Variants in CACTIN observed in about 807,000 individuals in gnomAD.
CACTIN encodes splicing factor Cactin.
CACTIN carries 20 observed loss-of-function variants against 84.9 expected under a neutral mutation model. The ratio of observed to expected loss-of-function variants is 0.24; its 90% CI spans 0.17 to 0.34. The LOEUF (loss-of-function observed/expected upper bound fraction) is 0.34. CACTIN is among the 10% of genes least tolerant of loss of function. CACTIN has a pLI of 1.00. For missense variants in CACTIN, 897 were observed against 1,117.2 expected, an observed-to-expected ratio of 0.80 and a Z score of 2.81; for synonymous variants, 549 against 467.9, an observed-to-expected ratio of 1.17 and a Z score of -2.24.
intron 6 of CACTIN, among the ~76,000 whole-genome samples, chr19:3,617,967 C>T (rs1599888847): frequency 6.6e-6 from 1 of 152,310 alleles, no homozygotes; most frequent in East Asian, 1.9e-4. Context: ...CTGCCACAGA[C>T]CACGCTGAGG....
chr19:3,619,053 AGAG>A (rs1555710588), intron 5 of CACTIN, 24 bp downstream of exon 5: 2 of 1,550,658 alleles, frequency 1.3e-6, no homozygotes, highest in Non-Finnish European at 1.7e-6. Context: ...GGTGCAGGTC[AGAG>A]GAGCATCGGG....
rs751490389 is a variant in CACTIN, at chr19:3,626,764, G to C, written c.-2C>G. The stretch of plus-strand genomic sequence containing the variant: ...GCGCGAGCGTGTGTCCCGACCCATC[G>C]GCTGGGCCAGTGGCCGCGGCACCAA... On this transcript the variant is annotated 5_prime_UTR_variant, in exon 1 of 10. Coordinates refer to ENST00000429344, the MANE Select transcript of CACTIN (RefSeq NM_001080543.2). The C allele has an allele frequency of 8.6e-6, 12 of 1,398,466 alleles. No individual in the cohort carries two copies. Among genetic ancestry groups the C allele is most frequent in the Non-Finnish European group, 1.1e-5 (12 of 1,075,346 alleles). 86.6% of individuals were successfully genotyped at this position (1,398,466 alleles called of 1,614,324 possible). A position where few individuals can be genotyped will look rare whatever the true frequency, so the allele number is the denominator to read the frequency against.
At chr19:3,617,559 C>T (rs779444580) in intron 6 of CACTIN, among the ~76,000 whole-genome samples, 16 of 152,004 alleles carry the variant, frequency 1.1e-4, no homozygotes, top group Non-Finnish European at 2.1e-4. Context: ...CAGTGGGGCA[C>T]GCTGGAAACG....
At position 3,615,179 on chromosome 19, in the gene CACTIN, C is replaced by T. The variant is rs548907051; in HGVS notation, c.1163-590G>A. ...CCCAGGACAAACAGCTCCCCACCGCCGCCCCCCATCCTACATGGAGTCTGT... is the reference window on the plus strand; with the variant it reads ...CCCAGGACAAACAGCTCCCCACCGCTGCCCCCCATCCTACATGGAGTCTGT... On this transcript the variant is annotated intron_variant, in intron 6 of 9. Coordinates refer to ENST00000429344, the MANE Select transcript of CACTIN (RefSeq NM_001080543.2). This position sits in a 1 kb window ranked among gnomAD's most constrained non-coding sequence, Gnocchi z 5.2. 29 of 162,716 alleles carry T rather than the reference C, an allele frequency of 1.8e-4. No homozygotes were observed. The highest frequency in any genetic ancestry group is 2.9e-4 in the Non-Finnish European group (21 of 73,652). 10.1% of individuals were successfully genotyped at this position (162,716 alleles called of 1,614,324 possible).
chr19:3,621,315 C>A (rs972036630), intron 2 of CACTIN, among the ~76,000 whole-genome samples: 1 of 152,188 alleles, frequency 6.6e-6, no homozygotes, highest in Non-Finnish European at 1.5e-5. Context: ...CAGCGGGGCA[C>A]AGGGGTGGCC....
chr19:3,613,236 C>T lies in CACTIN; in HGVS notation c.1608G>A (p.Glu536=). 1 of 1,610,718 alleles carries T rather than the reference C, an allele frequency of 6.2e-7. No homozygotes were observed. Among genetic ancestry groups the T allele is most frequent in the Non-Finnish European group, 8.5e-7 (1 of 1,179,132 alleles). Residue 536 remains glutamate, a synonymous_variant, in exon 9 of 10, where the codon GAG becomes GAA. Transcript: ENST00000429344. ...CCTCCTCCATGAGCACCGCCTCGCC[C>T]TCGCCCTCGCCCTCACCGTCCCCGT... ...DGDGDGEGEG[E]GEAVLMEEDL...
chr19:3,618,982 A>T lies in CACTIN; in HGVS notation c.1055T>A (p.Met352Lys). The T allele has an allele frequency of 1.3e-6, 2 of 1,553,396 alleles. No individual in the cohort carries two copies. The highest frequency in any genetic ancestry group is 1.7e-6 in the Non-Finnish European group (2 of 1,148,154). Residue 352 changes from methionine to lysine, a missense_variant, in exon 6 of 10, where the codon ATG becomes AAG. Physicochemically the swap from Met to Lys is moderately conservative, Grantham distance 95. Coordinates refer to ENST00000429344, the MANE Select transcript of CACTIN (RefSeq NM_001080543.2). The stretch of plus-strand genomic sequence containing the variant: ...GGCGTTCTTGCCCTGCTCCAGCTCC[A>T]TGTAGACCTGGGGGCAGGGGGCAGG... ...EDLLEDIQVY[M>K]ELEQGKNADF...
In CACTIN at chr19:3,624,696, G is replaced by C. The variant is rs1599896934; in HGVS notation, c.168-534C>G. On this transcript the variant is annotated intron_variant, in intron 1 of 9. Transcript: ENST00000429344. The stretch of plus-strand genomic sequence containing the variant: ...AGGAATTATAAGGGTACGAACCAGG[G>C]GACCCGAACACATTTAGGCTGTCAA... 2.0e-5 allele frequency among the ~76,000 whole-genome samples: 3 copies of C among 152,150 alleles called. No individual in the cohort carries two copies. In the East Asian group the frequency reaches 5.8e-4, roughly 29 times the overall value.
intron 4 of CACTIN, 111 bp downstream of exon 4, chr19:3,620,016 A>G: frequency 1.6e-6 from 2 of 1,277,670 alleles, no homozygotes; most frequent in Middle Eastern, 2.6e-4. Context: ...GGTCCCAGGA[A>G]GTGCCGTGTG....
Position 3,614,435 on chromosome 19 carries a change from G to A in CACTIN, c.1317C>T (p.Ser439=). Residue 439 remains serine, a synonymous_variant, in exon 7 of 10, where the codon AGC becomes AGT. Coordinates refer to ENST00000429344, the MANE Select transcript of CACTIN (RefSeq NM_001080543.2). The stretch of plus-strand genomic sequence containing the variant: ...TGTGGGCACGAAGCTGCTGCAGGAG[G>A]CTCTCCCAGTAGCCCATGTCCAGGT... ...GPNLDMGYWE[S]LLQQLRAHMA... 1.3e-6 allele frequency: 2 copies of A among 1,592,494 alleles called. No homozygotes were observed. Among genetic ancestry groups the A allele is most frequent in the Non-Finnish European group, 1.7e-6 (2 of 1,169,648 alleles).
rs1568289008 is a variant in CACTIN, at chr19:3,610,863, CG to C, written c.*1059del. 2 of 456,754 alleles carry C rather than the reference CG, an allele frequency of 4.4e-6. No homozygotes were observed. The highest frequency in any genetic ancestry group is 8.8e-6 in the Non-Finnish European group (2 of 226,976). The allele number at this position is 456,754 out of a possible 1,614,324, so 28.3% of individuals were successfully genotyped here. On this transcript the variant is annotated 3_prime_UTR_variant, in exon 10 of 10. Transcript: ENST00000429344. ...CTCTGGGGGTCCGGGAGGCACTTTC[CG>C]TTTTGCTTCTGTTGGAGATGTTCCC...
Position 3,620,966 on chromosome 19 carries a change from T to A in CACTIN, c.643-164A>T. 4.3e-6 allele frequency: 3 copies of A among 703,528 alleles called. No individual in the cohort carries two copies. In the Admixed American group the frequency reaches 6.0e-5, roughly 14 times the overall value. 43.6% of individuals were successfully genotyped at this position (703,528 alleles called of 1,614,324 possible). ...CCTCCTTAACACTCCTGAAACCCAGTGCATCCAATTCAGTGCAGACATGGA... is the reference window on the plus strand; with the variant it reads ...CCTCCTTAACACTCCTGAAACCCAGAGCATCCAATTCAGTGCAGACATGGA... On this transcript the variant is annotated intron_variant, in intron 2 of 9. Coordinates refer to ENST00000429344, the MANE Select transcript of CACTIN (RefSeq NM_001080543.2).
In CACTIN at chr19:3,612,034, C is replaced by T. The variant is rs2032969118; in HGVS notation, c.2166G>A (p.Lys722=). The change falls in exon 10 of 10, where the codon AAG becomes AAA. Residue 722 remains lysine, a synonymous_variant. Coordinates refer to ENST00000429344, the MANE Select transcript of CACTIN (RefSeq NM_001080543.2). ...AGPPYEDIAF[K]IVNREWEYSH... ...AGTATTCCCACTCGCGGTTGACGATCTTGAAAGCGATGTCCTCGTAGGGCG... is the reference window on the plus strand; with the variant it reads ...AGTATTCCCACTCGCGGTTGACGATTTTGAAAGCGATGTCCTCGTAGGGCG... The T allele has an allele frequency of 1.9e-6, 3 of 1,613,658 alleles. No individual in the cohort carries two copies. In the East Asian group the frequency reaches 6.7e-5, roughly 36 times the overall value.
intron 5 of CACTIN, 45 bp from the exon 6 acceptor site, chr19:3,619,034 G>A: frequency 6.5e-7 from 1 of 1,549,186 alleles, no homozygotes. Flanking sequence ...TGGCTGGGGT[G>A]GGGGTGAGGG....
Position 3,614,545 on chromosome 19 carries a change from G to C in CACTIN, c.1207C>G (p.Gln403Glu). 6.2e-7 allele frequency: 1 copy of C among 1,608,976 alleles called. No individual in the cohort carries two copies. ...TATGTCTTCCCCTTGAACACCGACT[G>C]CACATCAGAGCTGACGGAGGCGTTG... is the stretch of plus-strand genomic sequence containing the variant. ...GVNASVSSDV[Q>E]SVFKGKTYNQ... The change falls in exon 7 of 10, where the codon CAG becomes GAG. Residue 403 changes from glutamine (Q) to glutamate (E), a missense_variant. Gln to Glu is a conservative substitution (Grantham distance 29, BLOSUM62 2). Coordinates refer to ENST00000429344, the MANE Select transcript of CACTIN (RefSeq NM_001080543.2).
At chr19:3,626,238 C>G (rs911348727) in intron 1 of CACTIN, among the ~76,000 whole-genome samples, 1 of 152,194 alleles carries the variant, frequency 6.6e-6, no homozygotes, top group Non-Finnish European at 1.5e-5. Context: ...CAGTCCACGT[C>G]ACTCCCCTAC....
chr19:3,624,775 G>A (rs1218008808), intron 1 of CACTIN, among the ~76,000 whole-genome samples: 1 of 152,282 alleles, frequency 6.6e-6, no homozygotes, highest in South Asian at 2.1e-4. Context: ...AGGATGGACA[G>A]GAGTTAACAG....
At chr19:3,622,320 C>T (rs980933201) in intron 2 of CACTIN, among the ~76,000 whole-genome samples, 17 of 142,724 alleles carry the variant, frequency 1.2e-4, no homozygotes, top group East Asian at 2.1e-4. Context: ...GCCGAGATTG[C>T]GCCTTTGCAT....
At chr19:3,625,395 A>G (rs1341720575) in intron 1 of CACTIN, among the ~76,000 whole-genome samples, 5 of 152,194 alleles carry the variant, frequency 3.3e-5, no homozygotes, top group African/African-American at 1.2e-4. Flanking sequence ...AATAATTCCA[A>G]TACCAGAAAA....
Sources: allele counts gnomAD v4.1 joint callset (sites outside exome capture counted in the v4.1 genomes callset), GRCh38; gene constraint gnomAD v4.1.1; non-coding constraint Gnocchi (gnomAD v3.1); transcripts MANE v1.5; gene names NCBI Gene and HGNC (gene_info 2026-07-23, HGNC 2026-07-21).